Variants in NEK11 observed in about 807,000 individuals in gnomAD.
NEK11 encodes NIMA related kinase 11.
A neutral mutation model predicts 80.7 loss-of-function variants in NEK11; 72 were observed. The ratio of observed to expected loss-of-function variants is 0.89; its 90% CI spans 0.74 to 1.08. NEK11 has a LOEUF of 1.08. Among genes scored for constraint, NEK11 ranks in the 50% least tolerant of loss-of-function variants. The pLI is 0.00. For synonymous variants in NEK11, 251 were observed against 260.7 expected (o/e 0.96, Z 0.36); for missense variants, 764 against 763.6 (o/e 1.00, Z -0.01).
At chr3:131,108,035 C>T (rs985683113) in intron 4 of NEK11, among the ~76,000 whole-genome samples, 2 of 152,048 alleles carry the variant, frequency 1.3e-5, no homozygotes, top group Middle Eastern at 3.2e-3. Flanking sequence ...GTATTCAATT[C>T]GCCATATTTT....
At chr3:131,279,701 G>A (rs1406646510) in intron 17 of NEK11, among the ~76,000 whole-genome samples, 2 of 152,044 alleles carry the variant, frequency 1.3e-5, no homozygotes, top group Non-Finnish European at 2.9e-5. Flanking sequence ...TCATCACTTA[G>A]CATCATAGAC....
In NEK11 at chr3:131,349,876, C is replaced by A; in HGVS notation, c.*100C>A. On this transcript the variant is annotated 3_prime_UTR_variant, in exon 18 of 18. Coordinates refer to ENST00000383366, the MANE Select transcript of NEK11 (RefSeq NM_024800.5). The stretch of plus-strand genomic sequence containing the variant: ...CTATTATGGGGAATGGATACAAAAG[C>A]AGAGCTCCCATCTTGACTTTCAATT... 1 of 860,914 alleles carries A rather than the reference C, an allele frequency of 1.2e-6. No individual in the cohort carries two copies. Among genetic ancestry groups the A allele is most frequent in the Non-Finnish European group, 1.8e-6 (1 of 552,692 alleles). 53.3% of individuals were successfully genotyped at this position (860,914 alleles called of 1,614,324 possible).
Position 131,323,257 on chromosome 3 carries a change from G to A in NEK11, c.1719-26300G>A, listed in dbSNP as rs148999850. ...CATTTCTAGGCAAAAAGCTTTAGCA[G>A]TTCCCCTCTTGTTCTTTCTCACCAC... On this transcript the variant is annotated intron_variant, in intron 17 of 17. Coordinates refer to ENST00000383366, the MANE Select transcript of NEK11 (RefSeq NM_024800.5). Among the ~76,000 whole-genome samples the A allele has an allele frequency of 1.1e-4, 16 of 152,358 alleles. No homozygotes were observed. The East Asian group carries it at 2.7e-3, about 26-fold the overall frequency.
chr3:131,322,807 A>G (rs1554013452), intron 17 of NEK11, among the ~76,000 whole-genome samples: 1 of 152,172 alleles, frequency 6.6e-6, no homozygotes, highest in Non-Finnish European at 1.5e-5. Context: ...CATACTGAGC[A>G]CTGATGAAGA....
At position 131,273,589 on chromosome 3, in the gene NEK11, G is replaced by A. The variant is rs376297778; in HGVS notation, c.1718+15G>A. Reference sequence around the variant, plus strand: ...CGCATGAGGGAGTAAGTAGCATGTTGCCTGCCCCCTAGGAAGGTGCAGTGT... The same window carrying A: ...CGCATGAGGGAGTAAGTAGCATGTTACCTGCCCCCTAGGAAGGTGCAGTGT... On this transcript the variant is annotated intron_variant, in intron 17 of 17. Transcript: ENST00000383366. The A allele has an allele frequency of 3.1e-5, 50 of 1,591,720 alleles. No individual in the cohort carries two copies. Among genetic ancestry groups the A allele is most frequent in the Non-Finnish European group, 4.1e-5 (48 of 1,160,212 alleles).
At chr3:131,052,215 CT>C (rs937405016) in intron 3 of NEK11, among the ~76,000 whole-genome samples, 10 of 136,614 alleles carry the variant, frequency 7.3e-5, no homozygotes, top group Non-Finnish European at 1.1e-4. Context: ...TTTCCCCATT[CT>C]TTTTTTTTTA....
chr3:131,094,564 T>A (rs1008191033), intron 4 of NEK11, among the ~76,000 whole-genome samples: 1 of 152,304 alleles, frequency 6.6e-6, no homozygotes, highest in East Asian at 1.9e-4. Context: ...TTATAACTTG[T>A]CCAGTGAAAT....
At position 131,324,135 on chromosome 3, in the gene NEK11, G is replaced by A. The variant is rs532836693; in HGVS notation, c.1719-25422G>A. 5.1e-4 allele frequency among the ~76,000 whole-genome samples: 77 copies of A among 152,310 alleles called. 1 individual carries two copies. The South Asian group carries it at 0.014, about 28-fold the overall frequency. ...CTCTGGTTGCAGCAGGGACAGCTGG[G>A]GATTTATGGCCAATGGGCATGGCGA... On this transcript the variant is annotated intron_variant, in intron 17 of 17. Coordinates refer to ENST00000383366, the MANE Select transcript of NEK11 (RefSeq NM_024800.5).
chr3:131,146,242 C>A (rs2088236002), intron 7 of NEK11, among the ~76,000 whole-genome samples: 2 of 151,980 alleles, frequency 1.3e-5, no homozygotes, highest in African/African-American at 4.8e-5. Flanking sequence ...CTTGGACTTG[C>A]AAATTTGATT....
At chr3:131,208,879 T>C (rs2094524031) in intron 14 of NEK11, among the ~76,000 whole-genome samples, 1 of 152,074 alleles carries the variant, frequency 6.6e-6, no homozygotes, top group Admixed American at 6.6e-5. Context: ...GACGATGGGG[T>C]TTTCTAAGTA....
chr3:131,180,041 C>G (rs1245821089), intron 14 of NEK11, among the ~76,000 whole-genome samples: 1 of 152,178 alleles, frequency 6.6e-6, no homozygotes, highest in East Asian at 1.9e-4. Context: ...TGTGCAGTGA[C>G]TAAGGACCAA....
chr3:131,337,623 A>C lies in NEK11; in HGVS notation c.1719-11934A>C, dbSNP rs552920690. ...TAAAACTTAAAGTATAATAATAATA[A>C]AATTTAAAATAATAAATAAATAAAA... On this transcript the variant is annotated intron_variant, in intron 17 of 17. Transcript: ENST00000383366. Among the ~76,000 whole-genome samples, 49 of 150,256 alleles carry C rather than the reference A, an allele frequency of 3.3e-4. 2 individuals are homozygous for C. The highest frequency in any genetic ancestry group is 3.4e-3 in the Middle Eastern group (1 of 294).
chr3:131,279,783 C>T (rs1437723171), intron 17 of NEK11, among the ~76,000 whole-genome samples: 1 of 152,180 alleles, frequency 6.6e-6, no homozygotes, highest in East Asian at 1.9e-4. Context: ...TAGAGCCTTG[C>T]AATTTTGAAT....
chr3:131,324,250 A>G (rs780881050), intron 17 of NEK11, among the ~76,000 whole-genome samples: 2 of 151,878 alleles, frequency 1.3e-5, no homozygotes, highest in Non-Finnish European at 2.9e-5. Flanking sequence ...GCCGGCCAGG[A>G]CCAGGCCTAG....
intron 17 of NEK11, among the ~76,000 whole-genome samples, chr3:131,276,384 C>A (rs1188363666): frequency 6.6e-6 from 1 of 152,080 alleles, no homozygotes; most frequent in Non-Finnish European, 1.5e-5. Flanking sequence ...CTCTGCCAAC[C>A]CCATTGGGAG....
intron 3 of NEK11, among the ~76,000 whole-genome samples, chr3:131,077,359 G>C (rs1021375841): frequency 2.0e-5 from 3 of 152,156 alleles, no homozygotes; most frequent in Non-Finnish European, 2.9e-5. Context: ...TCAGCTCAGT[G>C]ACGTGATTTT....
chr3:131,096,886 TC>T (rs2077517235), intron 4 of NEK11, among the ~76,000 whole-genome samples: 1 of 60,722 alleles, frequency 1.6e-5, no homozygotes, highest in African/African-American at 6.9e-5. Context: ...CCCTCCCCCC[TC>T]CCCCCACCCC....
chr3:131,250,875 T>C (rs1240244891), intron 16 of NEK11, among the ~76,000 whole-genome samples: 2 of 152,056 alleles, frequency 1.3e-5, no homozygotes, highest in Non-Finnish European at 2.9e-5. Context: ...CCAGGGCAAT[T>C]ATGAACTCCT....
chr3:131,115,938 CTTT>C (rs2081032421), intron 5 of NEK11, among the ~76,000 whole-genome samples: 1 of 118,490 alleles, frequency 8.4e-6, no homozygotes, highest in Non-Finnish European at 1.8e-5. Flanking sequence ...TTCTTTCTTT[CTTT>C]CTTTCTTTCT....
Sources: gnomAD v4.1 joint callset for allele counts (sites outside exome capture counted in the v4.1 genomes callset) on GRCh38, gnomAD v4.1.1 for gene constraint, MANE v1.5 for transcripts, NCBI Gene and HGNC (gene_info 2026-07-23, HGNC 2026-07-21) for gene names.